MPP7: variants seen among roughly 807,000 people sequenced by gnomAD.
The protein encoded by MPP7 is MAGUK p55 scaffold protein 7.
In MPP7, 60 loss-of-function variants were observed where a neutral mutation model predicts 76.5. That is an observed-to-expected ratio of 0.78 (90% confidence interval 0.64 to 0.97). The LOEUF (loss-of-function observed/expected upper bound fraction) is 0.97, where lower values mean the gene tolerates loss of function less well. Among genes scored for constraint, MPP7 ranks in the 50% least tolerant of loss-of-function variants. MPP7 has a pLI of 0.00. For synonymous variants in MPP7, 237 were observed against 244.5 expected (o/e 0.97, Z 0.29); for missense variants, 641 against 694.0 (o/e 0.92, Z 0.86).
chr10:28,260,858 C>T (rs1305316283), intron 1 of MPP7, among the ~76,000 whole-genome samples: 1 of 149,864 alleles, frequency 6.7e-6, no homozygotes, highest in Non-Finnish European at 1.5e-5. Context: ...GCTCTGTTTT[C>T]TACATGATGC....
At chr10:28,248,154 G>C (rs900208396) in intron 1 of MPP7, among the ~76,000 whole-genome samples, 2 of 152,080 alleles carry the variant, frequency 1.3e-5, no homozygotes, top group Non-Finnish European at 2.9e-5. Context: ...TCACAGAGCT[G>C]TGCACAGCCT....
intron 4 of MPP7, among the ~76,000 whole-genome samples, chr10:28,149,418 A>G (rs1203535202): frequency 1.3e-5 from 2 of 152,242 alleles, no homozygotes; most frequent in Non-Finnish European, 2.9e-5. Flanking sequence ...TTATAGCTAC[A>G]GGAAATTAAC....
chr10:28,259,287 C>T (rs994000521), intron 1 of MPP7, among the ~76,000 whole-genome samples: 1 of 152,006 alleles, frequency 6.6e-6, no homozygotes, highest in Non-Finnish European at 1.5e-5. Flanking sequence ...CTTTTAAATA[C>T]CTACAGTGAG....
chr10:28,224,980 G>A lies in MPP7; in HGVS notation c.37+13588C>T, dbSNP rs918423127. Among the ~76,000 whole-genome samples the A allele has an allele frequency of 2.0e-5, 3 of 152,142 alleles. No homozygotes were observed. In the South Asian group the frequency reaches 6.2e-4, roughly 32 times the overall value. Reference sequence around the variant, plus strand: ...CAAACAGTGGTATAAAGCCATCAAAGTTCTCTAGTAACTTTTAAATAAAGA... The same window carrying A: ...CAAACAGTGGTATAAAGCCATCAAAATTCTCTAGTAACTTTTAAATAAAGA... On this transcript the variant is annotated intron_variant, in intron 2 of 16. Transcript: ENST00000683449.
chr10:28,060,045 A>G (rs1851714953), intron 13 of MPP7, among the ~76,000 whole-genome samples: 1 of 143,300 alleles, frequency 7.0e-6, no homozygotes, highest in South Asian at 2.3e-4. Context: ...CCTGAGGAAA[A>G]AAACCTTTTT....
chr10:28,296,478 T>G (rs979335427), intron 1 of MPP7, among the ~76,000 whole-genome samples: 1 of 152,228 alleles, frequency 6.6e-6, no homozygotes, highest in African/African-American at 2.4e-5. Context: ...AAGTCCAAAG[T>G]TGTCTTCAAA....
chr10:28,225,497 T>C lies in MPP7; in HGVS notation c.37+13071A>G, dbSNP rs114340580. Among the ~76,000 whole-genome samples the C allele has an allele frequency of 7.4e-3, 1,125 of 152,138 alleles. 15 individuals are homozygous for C. Among genetic ancestry groups the C allele is most frequent in the African/African-American group, 0.026 (1,062 of 41,490 alleles). Reference sequence around the variant, plus strand: ...CAACAAAGACAATCCAATTAAAAAATGGACAAAAAACTTCAGTAAACATTT... The same window carrying C: ...CAACAAAGACAATCCAATTAAAAAACGGACAAAAAACTTCAGTAAACATTT... On this transcript the variant is annotated intron_variant, in intron 2 of 16. Coordinates refer to ENST00000683449, the MANE Select transcript of MPP7 (RefSeq NM_001318170.2).
intron 10 of MPP7, 102 bp from the exon 11 acceptor site, chr10:28,119,817 GA>G: frequency 3.3e-6 from 3 of 901,206 alleles, no homozygotes; most frequent in Admixed American, 2.6e-5. Flanking sequence ...AAAGGTTAGA[GA>G]AAAAAATGAA....
chr10:28,237,921 T>C (rs1839130655), intron 2 of MPP7, among the ~76,000 whole-genome samples: 9 of 152,224 alleles, frequency 5.9e-5, no homozygotes, highest in Admixed American at 5.9e-4. Flanking sequence ...ACCACACTTC[T>C]ACTTCCTGAA....
chr10:28,114,403 G>C (rs1834597373), intron 11 of MPP7, among the ~76,000 whole-genome samples: 1 of 151,806 alleles, frequency 6.6e-6, no homozygotes, highest in Non-Finnish European at 1.5e-5. Context: ...CAGAGTGAGA[G>C]CCTGTCTCAA....
chr10:28,100,137 A>AC (rs1407116900), intron 11 of MPP7, among the ~76,000 whole-genome samples: 1 of 146,822 alleles, frequency 6.8e-6, no homozygotes, highest in Non-Finnish European at 1.5e-5. Flanking sequence ...AAAAAAAAAC[A>AC]CGTAGACATT....
chr10:28,261,744 T>G (rs565075438), intron 1 of MPP7, among the ~76,000 whole-genome samples: 21 of 152,256 alleles, frequency 1.4e-4, no homozygotes, highest in Middle Eastern at 3.4e-3. Context: ...TCACTTTCTA[T>G]CTCTCCATTT....
chr10:28,315,619 TAATATA>T (rs770237943), intron 2 of MPP7, among the ~76,000 whole-genome samples: 217 of 152,286 alleles, frequency 1.4e-3, no homozygotes, highest in Middle Eastern at 3.4e-3. Context: ...TGTTTCAAGG[TAATATA>T]AATTAAAAAT....
chr10:28,203,087 G>GGC (rs1165279847), intron 2 of MPP7: 4 of 152,138 alleles, frequency 2.6e-5, no homozygotes, highest in Admixed American at 6.5e-5. Flanking sequence ...GAGGTGACCT[G>GGC]GCAGGAGTCA....
At chr10:28,169,227 G>A (rs538706276) in intron 3 of MPP7, among the ~76,000 whole-genome samples, 2 of 152,086 alleles carry the variant, frequency 1.3e-5, no homozygotes, top group East Asian at 3.9e-4. Flanking sequence ...ATAGTGGTCC[G>A]AGCCTATAAT....
At chr10:28,300,689 C>T (rs942762246) in intron 1 of MPP7, among the ~76,000 whole-genome samples, 1 of 152,020 alleles carries the variant, frequency 6.6e-6, no homozygotes, top group East Asian at 1.9e-4. Context: ...CAATGGCTCA[C>T]GCCTGTAATC....
chr10:28,054,355 T>C lies in MPP7; in HGVS notation c.1552-111A>G, dbSNP rs1290543849. On this transcript the variant is annotated intron_variant, in intron 16 of 16. Transcript: ENST00000683449. The stretch of plus-strand genomic sequence containing the variant: ...ACCTAATGCTGTTCTGTGTTCAGTC[T>C]TTCCCCTCAGCCAGAAATAAAAGTC... 3 of 635,220 alleles carry C rather than the reference T, an allele frequency of 4.7e-6. No individual in the cohort carries two copies. In the African/African-American group the frequency reaches 5.6e-5, roughly 12 times the overall value. 39.3% of individuals were successfully genotyped at this position (635,220 alleles called of 1,614,324 possible).
chr10:28,276,719 T>C (rs1483638841), intron 1 of MPP7, among the ~76,000 whole-genome samples: 1 of 152,128 alleles, frequency 6.6e-6, no homozygotes, highest in Non-Finnish European at 1.5e-5. Flanking sequence ...ACAAAGTCAC[T>C]GATCTGATCA....
intron 11 of MPP7, among the ~76,000 whole-genome samples, chr10:28,094,044 T>C (rs765689730): frequency 6.6e-6 from 1 of 152,304 alleles, no homozygotes; most frequent in Non-Finnish European, 1.5e-5. Context: ...GTTAAAATTC[T>C]AAAAGGTGTC....
Sources: gnomAD v4.1 joint callset for allele counts (sites outside exome capture counted in the v4.1 genomes callset) on GRCh38, gnomAD v4.1.1 for gene constraint, MANE v1.5 for transcripts, NCBI Gene and HGNC (gene_info 2026-07-23, HGNC 2026-07-21) for gene names.